Variants in C4BPA observed in about 807,000 individuals in gnomAD.
The protein encoded by C4BPA is complement component 4 binding protein alpha.
A neutral mutation model predicts 63.7 loss-of-function variants in C4BPA; 31 were observed. That is an observed-to-expected ratio of 0.49 (90% CI 0.37 to 0.66). The LOEUF (loss-of-function observed/expected upper bound fraction) is 0.66, where lower values mean the gene tolerates loss of function less well. Among genes scored for constraint, C4BPA ranks in the 30% least tolerant of loss-of-function variants. The pLI is 0.00. For synonymous variants in C4BPA, 259 were observed against 254.7 expected, an observed-to-expected ratio of 1.02 and a Z score of -0.16; for missense variants, 572 against 723.3, an observed-to-expected ratio of 0.79 and a Z score of 2.40.
intron 1 of C4BPA, among the ~76,000 whole-genome samples, chr1:207,106,557 TCAGCCTCCCGAGTAGCTGGGACTA>T (rs2102325642): frequency 7.2e-6 from 1 of 139,782 alleles, no homozygotes; most frequent in South Asian, 2.3e-4. Flanking sequence ...TTCTCCTGCC[TCAGCCTCCCGAGTAGCTGGGACTA>T]CAGGCGCCCG....
At chr1:207,116,875 T>C (rs890080771) in intron 4 of C4BPA, among the ~76,000 whole-genome samples, 1 of 152,172 alleles carries the variant, frequency 6.6e-6, no homozygotes. Context: ...AAAGTTTGCC[T>C]TTACTGATTT....
At chr1:207,109,788 G>T (rs1050199033) in intron 1 of C4BPA, among the ~76,000 whole-genome samples, 2 of 152,208 alleles carry the variant, frequency 1.3e-5, no homozygotes, top group African/African-American at 4.8e-5. Context: ...GTCCTCCCTT[G>T]ACTAGTTGAT....
At position 207,143,918 on chromosome 1, in the gene C4BPA, T is replaced by C. The variant is rs934152400; in HGVS notation, c.1545T>C (p.Tyr515=). The C allele has an allele frequency of 6.2e-7, 1 of 1,612,596 alleles. No homozygotes were observed. ...TCACCATCCAATGTGATTCTGGCTA[T>C]GGTGTGGTTGGTCCCCAAAGTATCA... ...ENVTIQCDSG[Y]GVVGPQSITC... The change falls in exon 11 of 12, where the codon TAT becomes TAC. Residue 515 remains tyrosine, a synonymous_variant. Coordinates refer to ENST00000367070, the MANE Select transcript of C4BPA (RefSeq NM_000715.4).
intron 4 of C4BPA, among the ~76,000 whole-genome samples, chr1:207,118,831 T>C (rs1165392506): frequency 6.6e-6 from 1 of 152,208 alleles, no homozygotes; most frequent in Non-Finnish European, 1.5e-5. Context: ...TATCTACTTA[T>C]GTTAATTATG....
At chr1:207,126,942 A>G (rs765968640) in intron 7 of C4BPA, 47 bp downstream of exon 7, 1 of 1,471,024 alleles carries the variant, frequency 6.8e-7, no homozygotes, top group Non-Finnish European at 9.4e-7. Context: ...ATCTAAAGGT[A>G]CCCCGTACTG....
chr1:207,134,146 C>G (rs369790541), intron 8 of C4BPA, among the ~76,000 whole-genome samples: 1 of 152,300 alleles, frequency 6.6e-6, no homozygotes, highest in African/African-American at 2.4e-5. Context: ...CCACACCTGG[C>G]TCTTCATATA....
At chr1:207,118,198 A>G (rs112753038) in intron 4 of C4BPA, among the ~76,000 whole-genome samples, 22,506 of 86,780 alleles carry the variant, frequency 0.26, 2,258 homozygotes, top group Non-Finnish European at 0.31. Context: ...TCTATCATCT[A>G]TCTATCTATC....
rs1223750184 is a variant in C4BPA, at chr1:207,144,779, A to ATCAG, written c.*64_*67dup. 5 of 1,097,450 alleles carry ATCAG rather than the reference A, an allele frequency of 4.6e-6. No homozygotes were observed. The Admixed American group carries it at 1.4e-4, about 31-fold the overall frequency. 68.0% of individuals were successfully genotyped at this position (1,097,450 alleles called of 1,614,324 possible). On this transcript the variant is annotated 3_prime_UTR_variant, in exon 12 of 12. Transcript: ENST00000367070. Reference sequence around the variant, plus strand: ...GCTTGCCTCTTGCAATTCAATACAGATCAGTTTAGCAAATCTACTGTCAAT... The same window carrying ATCAG: ...GCTTGCCTCTTGCAATTCAATACAGATCAGTCAGTTTAGCAAATCTACTGTCAAT...
chr1:207,131,783 G>A (rs1685166957), intron 8 of C4BPA, 43 bp downstream of exon 8: 1 of 1,300,160 alleles, frequency 7.7e-7, no homozygotes, highest in Non-Finnish European at 1.1e-6. Flanking sequence ...TAAATGTCCA[G>A]TATGTGCTAG....
chr1:207,106,610 T>G (rs1191342758), intron 1 of C4BPA, among the ~76,000 whole-genome samples: 1 of 150,526 alleles, frequency 6.6e-6, no homozygotes, highest in Non-Finnish European at 1.5e-5. Context: ...CCCAGCTAAT[T>G]TTTTGTCTTT....
intron 4 of C4BPA, among the ~76,000 whole-genome samples, chr1:207,116,922 T>C (rs1181343796): frequency 6.6e-6 from 1 of 152,200 alleles, no homozygotes; most frequent in Admixed American, 6.5e-5. Context: ...TTCATATACT[T>C]ATCTAGGTCT....
intron 1 of C4BPA, among the ~76,000 whole-genome samples, chr1:207,108,802 A>G (rs1034025352): frequency 1.3e-5 from 2 of 151,828 alleles, no homozygotes; most frequent in Non-Finnish European, 1.5e-5. Context: ...GGATCACTGT[A>G]ACCTTTGCCT....
intron 7 of C4BPA, 163 bp downstream of exon 7, chr1:207,127,058 A>C: frequency 1.8e-6 from 1 of 568,690 alleles, no homozygotes. Flanking sequence ...AAGAAGAATG[A>C]TTTTAGTGCA....
At chr1:207,128,731 C>T (rs1685100494) in intron 7 of C4BPA, among the ~76,000 whole-genome samples, 1 of 152,146 alleles carries the variant, frequency 6.6e-6, no homozygotes, top group African/African-American at 2.4e-5. Context: ...AGGAAACAGA[C>T]TTAACTGAAC....
chr1:207,137,186 G>T (rs1685297834), intron 9 of C4BPA, among the ~76,000 whole-genome samples: 1 of 152,232 alleles, frequency 6.6e-6, no homozygotes, highest in African/African-American at 2.4e-5. Context: ...TCTAGATCCA[G>T]CCGAAGAGCC....
intron 4 of C4BPA, among the ~76,000 whole-genome samples, chr1:207,123,658 T>C (rs1455767449): frequency 6.6e-6 from 1 of 152,306 alleles, no homozygotes; most frequent in East Asian, 1.9e-4. Flanking sequence ...TTTATTGTTG[T>C]GCTTGAGCTC....
chr1:207,143,882 G>A lies in C4BPA; in HGVS notation c.1509G>A (p.Glu503=). The A allele has an allele frequency of 6.2e-7, 1 of 1,613,240 alleles. No individual in the cohort carries two copies. The highest frequency in any genetic ancestry group is 2.2e-5 in the East Asian group (1 of 44,802). The change falls in exon 11 of 12, where the codon GAG becomes GAA. Residue 503 remains glutamate (E), a synonymous_variant. Transcript: ENST00000367070. ...RLSVDKDQYV[E]PENVTIQCDS... ...CTGTGGATAAGGATCAGTATGTTGA[G>A]CCTGAAAATGTCACCATCCAATGTG...
chr1:207,124,054 G>A (rs375366809), intron 5 of C4BPA, 47 bp downstream of exon 5: 364 of 1,506,852 alleles, frequency 2.4e-4, no homozygotes, highest in Non-Finnish European at 3.2e-4. Flanking sequence ...AACTCTGTTA[G>A]GTAATAAAGT....
At chr1:207,134,738 A>G (rs940343891) in intron 9 of C4BPA, 146 bp downstream of exon 9, 8 of 546,126 alleles carry the variant, frequency 1.5e-5, no homozygotes, top group African/African-American at 9.8e-5. Context: ...CTTCTTCCTC[A>G]TTGTGTGTTC....
Sources: gnomAD v4.1 joint callset for allele counts (sites outside exome capture counted in the v4.1 genomes callset) on GRCh38, gnomAD v4.1.1 for gene constraint, MANE v1.5 for transcripts, NCBI Gene and HGNC (gene_info 2026-07-23, HGNC 2026-07-21) for gene names.